KITLG: variants seen among roughly 807,000 people sequenced by gnomAD.
KITLG encodes the protein c-Kit ligand.
A neutral mutation model predicts 34.1 loss-of-function variants in KITLG; 13 were observed. The observed-to-expected ratio is 0.38, with a 90% CI of 0.25 to 0.61. The LOEUF is 0.61. Among genes scored for constraint, KITLG ranks in the 20% least tolerant of loss-of-function variants. KITLG has a pLI of 0.60. For missense variants in KITLG, 292 were observed against 318.9 expected (o/e 0.92, Z 0.64); for synonymous variants, 110 against 104.0 (o/e 1.06, Z -0.35).
chr12:88,518,334 A>C (rs1436952117), intron 4 of KITLG, among the ~76,000 whole-genome samples: 1 of 152,174 alleles, frequency 6.6e-6, no homozygotes, highest in African/African-American at 2.4e-5. Context: ...ATTATGCATA[A>C]AAGGATATGT....
intron 2 of KITLG, among the ~76,000 whole-genome samples, chr12:88,543,336 C>T (rs914185385): frequency 6.6e-6 from 1 of 152,094 alleles, no homozygotes; most frequent in South Asian, 2.1e-4. Flanking sequence ...TGTTCAACTC[C>T]CACTTATGAG....
chr12:88,518,665 A>G, intron 4 of KITLG, 32 bp downstream of exon 4: 1 of 1,575,458 alleles, frequency 6.3e-7, no homozygotes, highest in Non-Finnish European at 8.7e-7. Flanking sequence ...GAGAAGCGTA[A>G]TGAAAAATAA....
intron 6 of KITLG, 151 bp from the exon 7 acceptor site, chr12:88,507,288 G>C: frequency 1.6e-6 from 1 of 616,000 alleles, no homozygotes; most frequent in South Asian, 2.0e-5. Context: ...GCTGAATATT[G>C]CTTTTGCAAG....
At chr12:88,540,630 A>T (rs569629350) in intron 2 of KITLG, among the ~76,000 whole-genome samples, 5 of 152,232 alleles carry the variant, frequency 3.3e-5, no homozygotes, top group Admixed American at 3.3e-4. Flanking sequence ...TGGGACCCAC[A>T]TCTCTACAAA....
At chr12:88,542,538 AT>A (rs1394932841) in intron 2 of KITLG, among the ~76,000 whole-genome samples, 2 of 152,140 alleles carry the variant, frequency 1.3e-5, no homozygotes, top group Non-Finnish European at 2.9e-5. Context: ...ATCTACATCC[AT>A]AAATCTCAAC....
Position 88,494,600 on chromosome 12 carries a change from C to T in KITLG, c.*2619G>A, listed in dbSNP as rs1465201731. The T allele has an allele frequency of 6.6e-6, 1 of 152,366 alleles. No individual in the cohort carries two copies. The highest frequency in any genetic ancestry group is 6.6e-5 in the Admixed American group (1 of 15,216). The allele number at this position is 152,366 out of a possible 1,614,324, so 9.4% of individuals were successfully genotyped here. A position where few individuals can be genotyped will look rare whatever the true frequency, so the allele number is the denominator to read the frequency against. ...GTGGTAAGCACATTAAATTACAATA[C>T]AATATCCAGGAACACTTCATTATCA... is the stretch of plus-strand genomic sequence containing the variant. On this transcript the variant is annotated 3_prime_UTR_variant, in exon 10 of 10. Coordinates refer to ENST00000644744, the MANE Select transcript of KITLG (RefSeq NM_000899.5).
At chr12:88,566,668 C>T (rs571386597) in intron 1 of KITLG, among the ~76,000 whole-genome samples, 101 of 152,220 alleles carry the variant, frequency 6.6e-4, no homozygotes, top group African/African-American at 2.3e-3. Flanking sequence ...ACTTACCACT[C>T]GGGAGTGGTG....
At chr12:88,551,585 T>G (rs1870916117) in intron 1 of KITLG, among the ~76,000 whole-genome samples, 1 of 152,232 alleles carries the variant, frequency 6.6e-6, no homozygotes. Flanking sequence ...AAATTTATTT[T>G]AGGTTTCATT....
At chr12:88,505,120 A>T (rs760364646) in intron 9 of KITLG, 39 bp downstream of exon 9, 40 of 1,080,968 alleles carry the variant, frequency 3.7e-5, no homozygotes, top group Admixed American at 1.2e-4. Context: ...AAAGTATAAT[A>T]AAAAAAAGAA....
chr12:88,522,725 C>A (rs1165958144), intron 3 of KITLG, among the ~76,000 whole-genome samples: 4 of 151,994 alleles, frequency 2.6e-5, no homozygotes. Flanking sequence ...ACCGCGCCCA[C>A]CCCACAGACA....
intron 1 of KITLG, among the ~76,000 whole-genome samples, chr12:88,567,069 T>A (rs905446157): frequency 6.6e-6 from 1 of 152,206 alleles, no homozygotes; most frequent in Non-Finnish European, 1.5e-5. Context: ...TCCTAAGCAA[T>A]TCACAAAAAT....
At position 88,531,820 on chromosome 12, in the gene KITLG, G is replaced by A. The variant is rs1870103619; in HGVS notation, c.192+621C>T. On this transcript the variant is annotated intron_variant, in intron 3 of 9. Transcript: ENST00000644744. The stretch of plus-strand genomic sequence containing the variant: ...AGTACAGATGGCCCTCTGTATCCAC[G>A]GATTCAACCAACCAAAGATGGAAAA... 2.6e-5 allele frequency among the ~76,000 whole-genome samples: 4 copies of A among 152,034 alleles called. No homozygotes were observed. The South Asian group carries it at 8.3e-4, about 32-fold the overall frequency.
chr12:88,507,758 AG>A (rs1869118830), intron 6 of KITLG, among the ~76,000 whole-genome samples: 2 of 152,318 alleles, frequency 1.3e-5, no homozygotes, highest in South Asian at 4.1e-4. Flanking sequence ...ACTAACACTA[AG>A]GGGAATGGTT....
chr12:88,576,344 T>C (rs1328332386), intron 1 of KITLG, among the ~76,000 whole-genome samples: 1 of 152,184 alleles, frequency 6.6e-6, no homozygotes, highest in Non-Finnish European at 1.5e-5. Context: ...TCGACAGACG[T>C]AGATTTAGGA....
At chr12:88,538,552 T>C (rs889360888) in intron 2 of KITLG, among the ~76,000 whole-genome samples, 1 of 151,794 alleles carries the variant, frequency 6.6e-6, no homozygotes, top group Non-Finnish European at 1.5e-5. Flanking sequence ...GGGAAGACAG[T>C]TTGGAGCAAA....
intron 1 of KITLG, among the ~76,000 whole-genome samples, chr12:88,550,470 G>A (rs181228838): frequency 2.1e-4 from 32 of 152,316 alleles, no homozygotes; most frequent in East Asian, 1.5e-3. Flanking sequence ...GCGCTGGAAT[G>A]TGAATGCAGA....
intron 6 of KITLG, among the ~76,000 whole-genome samples, chr12:88,507,768 T>C (rs556307185): frequency 9.9e-5 from 15 of 152,256 alleles, no homozygotes; most frequent in African/African-American, 2.6e-4. Flanking sequence ...AGGGGAATGG[T>C]TGAAGGCACT....
chr12:88,575,490 C>T (rs368237403), intron 1 of KITLG, among the ~76,000 whole-genome samples: 1 of 152,090 alleles, frequency 6.6e-6, no homozygotes, highest in African/African-American at 2.4e-5. Context: ...ACTCCCAGCC[C>T]CTGTAAACAG....
At position 88,558,319 on chromosome 12, in the gene KITLG, T is replaced by C. The variant is rs535042522; in HGVS notation, c.16-12454A>G. ...TTTTCAACAAAGTTCCCCCCACCCC[T>C]CACGACCCGCCACCCACCAACCTGG... is the stretch of plus-strand genomic sequence containing the variant. On this transcript the variant is annotated intron_variant, in intron 1 of 9. Transcript: ENST00000644744. Among the ~76,000 whole-genome samples the C allele has an allele frequency of 4.1e-4, 62 of 150,180 alleles. 1 individual carries two copies. Among genetic ancestry groups the C allele is most frequent in the Non-Finnish European group, 3.7e-4 (25 of 67,600 alleles).
Sources: allele counts gnomAD v4.1 joint callset (sites outside exome capture counted in the v4.1 genomes callset), GRCh38; gene constraint gnomAD v4.1.1; transcripts MANE v1.5; gene names NCBI Gene and HGNC (gene_info 2026-07-23, HGNC 2026-07-21).